Variants in DCAF1 observed in about 807,000 individuals in gnomAD.
The protein encoded by DCAF1 is DDB1 and CUL4 associated factor 1, also known as DDB1- and CUL4-associated factor 1.
In DCAF1, 15 loss-of-function variants were observed where a neutral mutation model predicts 128.0. The ratio of observed to expected loss-of-function variants is 0.12; its 90% CI spans 0.08 to 0.18. The LOEUF is 0.18. Among genes scored for constraint, DCAF1 ranks in the 10% least tolerant of loss-of-function variants. The probability of loss-of-function intolerance (pLI) is 1.00; values close to 1 mark genes in which losing one functional copy is unlikely to be tolerated. For missense variants in DCAF1, 988 were observed against 1,649.5 expected, an observed-to-expected ratio of 0.60 and a Z score of 6.95; for synonymous variants, 610 against 603.0, an observed-to-expected ratio of 1.01 and a Z score of -0.17.
chr3:51,438,030 T>C, intron 9 of DCAF1: 1 of 399,186 alleles, frequency 2.5e-6, no homozygotes, highest in African/African-American at 2.1e-5. Flanking sequence ...TTTATACCTG[T>C]TATATGTTCA....
intron 13 of DCAF1, among the ~76,000 whole-genome samples, chr3:51,423,319 C>T (rs1297154375): frequency 1.3e-5 from 2 of 151,816 alleles, no homozygotes; most frequent in Non-Finnish European, 2.9e-5. Flanking sequence ...TGGCCAAACC[C>T]TGTCACTACT....
At chr3:51,422,190 CT>C (rs1699460956) in intron 14 of DCAF1, 116 bp downstream of exon 14, 2 of 647,980 alleles carry the variant, frequency 3.1e-6, no homozygotes, top group Non-Finnish European at 5.7e-6. Context: ...AGGAGCCCCC[CT>C]CTACTACTTC....
At chr3:51,468,217 G>A (rs1179230989) in intron 4 of DCAF1, among the ~76,000 whole-genome samples, 2 of 152,206 alleles carry the variant, frequency 1.3e-5, no homozygotes, top group African/African-American at 2.4e-5. Context: ...TGTCGCCAAG[G>A]CTGGAGTACA....
At chr3:51,422,268 C>A in intron 14 of DCAF1, 39 bp downstream of exon 14, 1 of 740,398 alleles carries the variant, frequency 1.4e-6, no homozygotes, top group South Asian at 1.5e-5. Flanking sequence ...AAAACAAATC[C>A]AGACCAAGAA....
At chr3:51,467,106 G>A (rs1553646759) in intron 4 of DCAF1, among the ~76,000 whole-genome samples, 1 of 152,162 alleles carries the variant, frequency 6.6e-6, no homozygotes, top group Non-Finnish European at 1.5e-5. Context: ...GGCTGAGGCG[G>A]GCAGATCACG....
intron 18 of DCAF1, 56 bp from the exon 19 acceptor site, chr3:51,414,913 A>T (rs1698742514): frequency 6.4e-7 from 1 of 1,559,352 alleles, no homozygotes; most frequent in South Asian, 1.2e-5. Context: ...CCACTGACAA[A>T]TTAAAGAGAA....
chr3:51,457,811 C>T (rs1172098836), intron 6 of DCAF1, among the ~76,000 whole-genome samples: 1 of 152,156 alleles, frequency 6.6e-6, no homozygotes, highest in African/African-American at 2.4e-5. Context: ...TCCAGCCAAA[C>T]TACGCTTCAT....
At chr3:51,444,684 T>C (rs1336281604) in intron 6 of DCAF1, among the ~76,000 whole-genome samples, 1 of 144,722 alleles carries the variant, frequency 6.9e-6, no homozygotes, top group Non-Finnish European at 1.5e-5. Flanking sequence ...GATTGATTGA[T>C]TGATTAATTG....
At chr3:51,467,254 C>G (rs1704223357) in intron 4 of DCAF1, among the ~76,000 whole-genome samples, 1 of 152,042 alleles carries the variant, frequency 6.6e-6, no homozygotes, top group Non-Finnish European at 1.5e-5. Context: ...ATTGCTTGAA[C>G]CCAGGAGGCG....
chr3:51,496,069 A>G (rs1553660732), intron 2 of DCAF1, among the ~76,000 whole-genome samples: 1 of 152,136 alleles, frequency 6.6e-6, no homozygotes, highest in Admixed American at 6.6e-5. Flanking sequence ...AGGCAGGCAG[A>G]TCACCTGAGG....
chr3:51,406,792 TC>T (rs2090146796), intron 23 of DCAF1, among the ~76,000 whole-genome samples: 1 of 152,160 alleles, frequency 6.6e-6, no homozygotes, highest in Non-Finnish European at 1.5e-5. Flanking sequence ...ACTTTTCTCA[TC>T]CCCACCTCAC....
chr3:51,496,216 G>A (rs1161240194), intron 2 of DCAF1, among the ~76,000 whole-genome samples: 2 of 152,080 alleles, frequency 1.3e-5, no homozygotes, highest in African/African-American at 4.8e-5. Flanking sequence ...CACAAGGTCA[G>A]GAGTTCGAGA....
upstream of DCAF1, among the ~76,000 whole-genome samples, chr3:51,501,971 G>A (rs1553664453): frequency 6.6e-6 from 1 of 152,174 alleles, no homozygotes; most frequent in Non-Finnish European, 1.5e-5. Flanking sequence ...GACCCAGAGA[G>A]GTAGAACAAG....
chr3:51,460,398 A>G (rs1159795248), intron 6 of DCAF1, among the ~76,000 whole-genome samples: 1 of 151,402 alleles, frequency 6.6e-6, no homozygotes, highest in South Asian at 2.1e-4. Context: ...CCACTGCTCA[A>G]TGAAATAAAA....
Position 51,429,490 on chromosome 3 carries a change from T to G in DCAF1, c.1468-20A>C. 1.3e-6 allele frequency: 1 copy of G among 778,224 alleles called. No homozygotes were observed. 48.2% of individuals were successfully genotyped at this position (778,224 alleles called of 1,614,324 possible). A position where few individuals can be genotyped will look rare whatever the true frequency, so the allele number is the denominator to read the frequency against. ...ACTGATCTATTAAGATGCAAAATAT[T>G]GGGGCAAAAGAGGGGAAAAGGCAAG... is the stretch of plus-strand genomic sequence containing the variant. On this transcript the variant is annotated intron_variant, in intron 11 of 24. Transcript: ENST00000684031.
chr3:51,499,815 C>T (rs1708665803), intron 1 of DCAF1, 58 bp downstream of exon 1: 1 of 151,392 alleles, frequency 6.6e-6, no homozygotes, highest in Admixed American at 6.6e-5. Flanking sequence ...CGGCCAGCCG[C>T]GCGACCTGCT....
At chr3:51,417,973 G>T in intron 17 of DCAF1, 143 bp downstream of exon 17, 1 of 1,012,714 alleles carries the variant, frequency 9.9e-7, no homozygotes, top group Non-Finnish European at 1.4e-6. Context: ...TATTAAACAT[G>T]AGTCTTAGAT....
intron 3 of DCAF1, among the ~76,000 whole-genome samples, chr3:51,483,033 G>A (rs1382958075): frequency 6.6e-6 from 1 of 151,096 alleles, no homozygotes; most frequent in African/African-American, 2.4e-5. Context: ...CAGCTACTCA[G>A]GAGGCTGAAG....
chr3:51,455,136 CA>C (rs1702763228), intron 6 of DCAF1, among the ~76,000 whole-genome samples: 1 of 152,158 alleles, frequency 6.6e-6, no homozygotes, highest in African/African-American at 2.4e-5. Flanking sequence ...ATGTTGCTAA[CA>C]AAATATTCCA....
Sources: allele counts gnomAD v4.1 joint callset (sites outside exome capture counted in the v4.1 genomes callset), GRCh38; gene constraint gnomAD v4.1.1; transcripts MANE v1.5; gene names NCBI Gene and HGNC (gene_info 2026-07-23, HGNC 2026-07-21).